The following NCOR2 variants were observed in gnomAD, a reference collection of about 807,000 sequenced individuals.
NCOR2 encodes CTG repeat protein 26.
In NCOR2, 81 loss-of-function variants were observed where a neutral mutation model predicts 262.9. The ratio of observed to expected loss-of-function variants is 0.31; its 90% CI spans 0.26 to 0.37. NCOR2 has a LOEUF of 0.37. Ranked by LOEUF, NCOR2 falls within the 10% of genes least tolerant of loss-of-function variation. The probability of loss-of-function intolerance (pLI) is 1.00; values close to 1 mark genes in which losing one functional copy is unlikely to be tolerated. For missense variants in NCOR2, 3,385 were observed against 3,621.4 expected (o/e 0.93, Z 1.68); for synonymous variants, 1,659 against 1,559.3 (o/e 1.06, Z -1.51).
In NCOR2 at chr12:124,378,422, T is replaced by G; in HGVS notation, c.2020-38A>C. 6.3e-7 allele frequency: 1 copy of G among 1,575,690 alleles called. No homozygotes were observed. Among genetic ancestry groups the G allele is most frequent in the Non-Finnish European group, 8.6e-7 (1 of 1,161,610 alleles). On this transcript the variant is annotated intron_variant, in intron 17 of 46. Transcript: ENST00000405201. The surrounding 1 kb of genome is among the most constrained non-coding windows in gnomAD (Gnocchi z 4.2). Reference sequence around the variant, plus strand: ...GAAGCAGCAGATCAGGACTGGGGCCTGGGCTGTCAGCTCGGGGACTCCCCA... The same window carrying G: ...GAAGCAGCAGATCAGGACTGGGGCCGGGGCTGTCAGCTCGGGGACTCCCCA...
intron 27 of NCOR2, among the ~76,000 whole-genome samples, chr12:124,350,939 G>GCTTC (rs1282904524): frequency 6.6e-6 from 1 of 152,248 alleles, no homozygotes; most frequent in East Asian, 1.9e-4. Flanking sequence ...CTTGTCAAGT[G>GCTTC]CTTCCCATGA....
At chr12:124,350,553 C>T (rs1411109173) in intron 28 of NCOR2, 34 bp downstream of exon 30, 2 of 1,599,908 alleles carry the variant, frequency 1.3e-6, no homozygotes, top group Non-Finnish European at 1.7e-6. Context: ...CACTCCTCCC[C>T]TGGTCCTGGG....
At chr12:124,395,607 C>T (rs528144142) in intron 16 of NCOR2, among the ~76,000 whole-genome samples, 3 of 152,322 alleles carry the variant, frequency 2.0e-5, no homozygotes, top group South Asian at 4.1e-4. Context: ...TGAGTCATCC[C>T]CAGCCGTCCT....
At chr12:124,513,050 G>A (rs192197363) in intron 1 of NCOR2, among the ~76,000 whole-genome samples, 8 of 152,340 alleles carry the variant, frequency 5.3e-5, no homozygotes, top group South Asian at 4.1e-4. Flanking sequence ...GACCCTGGAA[G>A]GAGGCAGCTT....
chr12:124,442,856 G>A lies in NCOR2; in HGVS notation c.816-4860C>T, dbSNP rs77697715. On this transcript the variant is annotated intron_variant, in intron 7 of 46. Transcript: ENST00000405201. ...GCCCTAATCCAATGACTTATGAAAA[G>A]GGGAAATTTGGACAAAAAGACAGAC... Among the ~76,000 whole-genome samples the A allele has an allele frequency of 7.5e-3, 1,139 of 152,304 alleles. 16 individuals carry two copies. The highest frequency in any genetic ancestry group is 0.026 in the African/African-American group (1,068 of 41,556).
intron 20 of NCOR2, among the ~76,000 whole-genome samples, chr12:124,364,200 C>T (rs951812746): frequency 6.6e-6 from 1 of 152,246 alleles, no homozygotes; most frequent in Admixed American, 6.5e-5. Context: ...CTGGGGCCCA[C>T]ACCACACGTG....
At chr12:124,347,670 G>T in intron 30 of NCOR2, 155 bp downstream of exon 32, 1 of 686,328 alleles carries the variant, frequency 1.5e-6, no homozygotes. Flanking sequence ...CCCTTGCTCC[G>T]TAGCTCACGT....
chr12:124,445,251 C>G (rs189359157), intron 7 of NCOR2, among the ~76,000 whole-genome samples: 2 of 152,330 alleles, frequency 1.3e-5, no homozygotes, highest in East Asian at 3.9e-4. Flanking sequence ...GCTCCATAGA[C>G]TCCCGGGAAT....
At chr12:124,424,492 G>A (rs780406768) in intron 11 of NCOR2, among the ~76,000 whole-genome samples, 3 of 152,126 alleles carry the variant, frequency 2.0e-5, no homozygotes, top group Non-Finnish European at 4.4e-5. Context: ...CGGTGCTGTG[G>A]GCACTCCAGG....
At chr12:124,467,662 C>A (rs1247796969) in intron 4 of NCOR2, among the ~76,000 whole-genome samples, 10 of 125,188 alleles carry the variant, frequency 8.0e-5, no homozygotes, top group African/African-American at 3.1e-4. Context: ...ATCTTCATCA[C>A]CCCATCACCC....
At chr12:124,542,192 C>T (rs771422305) in intron 1 of NCOR2, among the ~76,000 whole-genome samples, 4 of 151,980 alleles carry the variant, frequency 2.6e-5, no homozygotes, top group Admixed American at 6.5e-5. Flanking sequence ...GACTCTGGAG[C>T]CTTTCCCACC....
chr12:124,486,288 T>TCACGCC lies in NCOR2; in HGVS notation c.233+147_233+152dup, dbSNP rs373383125. On this transcript the variant is annotated intron_variant, in intron 2 of 46. Coordinates refer to ENST00000405201, the Ensembl canonical transcript of NCOR2. ...CTGCTCGTCCCATCCTCACCCCGAG[T>TCACGCC]CACGCCCACGCCAGGTCAAGGGTGA... The TCACGCC allele has an allele frequency of 3.0e-4, 364 of 1,231,418 alleles. 1 individual carries two copies. In the African/African-American group the frequency reaches 4.7e-3, roughly 16 times the overall value. The allele number at this position is 1,231,418 out of a possible 1,614,324, so 76.3% of individuals were successfully genotyped here.
intron 13 of NCOR2, among the ~76,000 whole-genome samples, chr12:124,412,999 C>T (rs947221219): frequency 6.6e-6 from 1 of 152,238 alleles, no homozygotes; most frequent in Non-Finnish European, 1.5e-5. Context: ...CTGAGGAAGT[C>T]GGAAGCCTCG....
rs1275969446 is a variant in NCOR2 at position 124,517,853 on chromosome 12, A to G, written c.-118+17712T>C. On this transcript the variant is annotated intron_variant, in intron 1 of 46. Transcript: ENST00000404621. The surrounding 1 kb of genome is among the most constrained non-coding windows in gnomAD (Gnocchi z 7.6). ...TTCGTCCGATGAGACAGCCCTGCCC[A>G]CCATCCCGCTGAGCTCAGGGCCGAC... 6.6e-6 allele frequency among the ~76,000 whole-genome samples: 1 copy of G among 152,104 alleles called. No homozygotes were observed. The highest frequency in any genetic ancestry group is 2.4e-5 in the African/African-American group (1 of 41,422).
At chr12:124,357,807 T>A (rs374162738) in intron 22 of NCOR2, among the ~76,000 whole-genome samples, 1 of 149,968 alleles carries the variant, frequency 6.7e-6, no homozygotes, top group Non-Finnish European at 1.5e-5. Flanking sequence ...TGTGTGTGTG[T>A]GCGCGCACGC....
At chr12:124,332,327 G>A in exon 43 of NCOR2, 3 of 1,614,136 alleles carry the variant, frequency 1.9e-6, no homozygotes, top group Non-Finnish European at 2.5e-6. Context: ...ACTGTATTCA[G>A]GCTCATTCCG....
intron 1 of NCOR2, among the ~76,000 whole-genome samples, chr12:124,524,637 T>A (rs1487792446): frequency 1.3e-5 from 2 of 152,184 alleles, no homozygotes; most frequent in Non-Finnish European, 2.9e-5. Flanking sequence ...TGAGGACCCA[T>A]CAACTCCCCG....
At chr12:124,494,847 A>G (rs2048297920) in intron 1 of NCOR2, among the ~76,000 whole-genome samples, 1 of 152,210 alleles carries the variant, frequency 6.6e-6, no homozygotes, top group Non-Finnish European at 1.5e-5. Flanking sequence ...GAAAGTGAAT[A>G]CAGCAGGAGC....
chr12:124,567,159 C>A (rs2052273713), intron 1 of NCOR2, 149 bp downstream of exon 1: 1 of 152,132 alleles, frequency 6.6e-6, no homozygotes. Context: ...GCCTTGCTCC[C>A]CAGCAGGCCA....
Sources: allele counts gnomAD v4.1 joint callset (sites outside exome capture counted in the v4.1 genomes callset), GRCh38; gene constraint gnomAD v4.1.1; non-coding constraint Gnocchi (gnomAD v3.1); transcripts MANE v1.5; gene names NCBI Gene and HGNC (gene_info 2026-07-23, HGNC 2026-07-21).